Variants in CAGE1 observed in about 807,000 individuals in gnomAD.
The protein encoded by CAGE1 is cancer antigen 1, also known as cancer-associated gene 1 protein.
CAGE1 carries 66 observed loss-of-function variants against 94.9 expected under a neutral mutation model. The observed-to-expected ratio is 0.70, with a 90% CI of 0.57 to 0.85. The LOEUF (loss-of-function observed/expected upper bound fraction) is 0.85. Ranked by LOEUF, CAGE1 falls within the 40% of genes least tolerant of loss-of-function variation. The pLI is 0.00. For missense variants in CAGE1, 865 were observed against 950.4 expected (o/e 0.91, Z 1.18); for synonymous variants, 319 against 321.0 (o/e 0.99, Z 0.07).
intron 9 of CAGE1, among the ~76,000 whole-genome samples, chr6:7,363,416 T>C (rs888406763): frequency 1.3e-5 from 2 of 152,244 alleles, no homozygotes; most frequent in African/African-American, 4.8e-5. Context: ...CACAAATGTC[T>C]TTTTATAGTG....
Position 7,377,903 on chromosome 6 carries a change from T to C in CAGE1, c.687+714A>G, listed in dbSNP as rs562381210. 2.7e-4 allele frequency among the ~76,000 whole-genome samples: 41 copies of C among 152,358 alleles called. No homozygotes were observed. In the South Asian group the frequency reaches 8.5e-3, roughly 32 times the overall value. On this transcript the variant is annotated intron_variant, in intron 4 of 13. Transcript: ENST00000502583. ...CAGTGCTCTTAGGATACTACATGTG[T>C]GCTCGGAATCAATAAACCAAATGAT...
intron 11 of CAGE1, among the ~76,000 whole-genome samples, chr6:7,340,128 A>T (rs1161556601): frequency 6.6e-6 from 1 of 152,216 alleles, no homozygotes; most frequent in Non-Finnish European, 1.5e-5. Flanking sequence ...GGAGTAAGGT[A>T]GTATCACATT....
In CAGE1 at chr6:7,369,921, G is replaced by T; in HGVS notation, c.1891C>A (p.Gln631Lys). The change falls in exon 6 of 14, where the codon CAG (glutamine) becomes AAG (lysine). Residue 631 changes from glutamine (Q) to lysine (K), a missense_variant and splice_region_variant. Coordinates refer to ENST00000502583, the MANE Select transcript of CAGE1 (RefSeq NM_001170692.2). ...ATCTAATATATATGTTTTATTACCT[G>T]GCATGTGAGAAGTCCCACCATCAGA... ...LALMVGLLTC[Q>K]DIINSDAEHF... 6.2e-7 allele frequency: 1 copy of T among 1,608,014 alleles called. No individual in the cohort carries two copies. The highest frequency in any genetic ancestry group is 1.1e-5 in the South Asian group (1 of 89,850).
intron 11 of CAGE1, among the ~76,000 whole-genome samples, chr6:7,350,210 A>G (rs929148605): frequency 1.5e-4 from 23 of 152,144 alleles, no homozygotes; most frequent in African/African-American, 5.1e-4. Context: ...AAATATCACA[A>G]TCCTAAACAT....
chr6:7,380,665 C>A (rs1760902702), intron 3 of CAGE1, among the ~76,000 whole-genome samples: 1 of 151,712 alleles, frequency 6.6e-6, no homozygotes, highest in Non-Finnish European at 1.5e-5. Context: ...TTATTTCACA[C>A]AAAATTTTGC....
intron 11 of CAGE1, among the ~76,000 whole-genome samples, chr6:7,346,092 TGA>T (rs1759519292): frequency 6.6e-6 from 1 of 152,114 alleles, no homozygotes; most frequent in South Asian, 2.1e-4. Flanking sequence ...ACCTATAAAG[TGA>T]GAGCAAGTTT....
chr6:7,341,783 A>G (rs938440631), intron 11 of CAGE1: 25 of 685,332 alleles, frequency 3.6e-5, no homozygotes, highest in Non-Finnish European at 6.7e-5. Flanking sequence ...AAGACAGAGC[A>G]GCAGCCATTT....
intron 13 of CAGE1, among the ~76,000 whole-genome samples, chr6:7,327,931 A>AT (rs1436682860): frequency 5.4e-5 from 8 of 147,310 alleles, no homozygotes; most frequent in African/African-American, 1.8e-4. Context: ...ACTCCGTCTA[A>AT]AAAATAAATA....
intron 11 of CAGE1, among the ~76,000 whole-genome samples, chr6:7,340,069 T>C (rs1228872854): frequency 2.0e-5 from 3 of 152,220 alleles, no homozygotes; most frequent in African/African-American, 7.2e-5. Flanking sequence ...TACCGCATCC[T>C]TGACAACATC....
chr6:7,365,556 T>A lies in CAGE1; in HGVS notation c.2105A>T (p.Asp702Val). 6.2e-7 allele frequency: 1 copy of A among 1,610,938 alleles called. No individual in the cohort carries two copies. The highest frequency in any genetic ancestry group is 8.5e-7 in the Non-Finnish European group (1 of 1,177,540). Residue 702 changes from aspartate (D) to valine (V), a missense_variant, in exon 9 of 14, where the codon GAT (aspartate) becomes GTT (valine). Physicochemically the swap from Asp to Val is radical, Grantham distance 152. Coordinates refer to ENST00000502583, the MANE Select transcript of CAGE1 (RefSeq NM_001170692.2). ...TACATCTCTGATACTCTTGGCTTCA[T>A]CTGAATCACAGTCTATGACCTGAGA... The part of the protein sequence containing the change: ...HAIKVIDCDS[D>V]EAKSIRDVPT...
intron 9 of CAGE1, among the ~76,000 whole-genome samples, chr6:7,358,035 T>TAC (rs1760028846): frequency 4.7e-5 from 2 of 42,928 alleles, no homozygotes; most frequent in Admixed American, 3.9e-4. Flanking sequence ...GAGATATATA[T>TAC]ATATATATAT....
intron 7 of CAGE1, among the ~76,000 whole-genome samples, chr6:7,368,252 C>CAAAAA (rs57530544): frequency 4.4e-4 from 37 of 84,406 alleles, no homozygotes; most frequent in South Asian, 2.0e-3. Context: ...GACTCTGTCT[C>CAAAAA]AAAAAAAAAA....
intron 11 of CAGE1, among the ~76,000 whole-genome samples, chr6:7,345,267 T>G (rs920723588): frequency 6.6e-6 from 1 of 152,134 alleles, no homozygotes; most frequent in Admixed American, 6.5e-5. Context: ...CACGCTACCT[T>G]AAGAGTTGCA....
intron 11 of CAGE1, among the ~76,000 whole-genome samples, chr6:7,345,461 G>A (rs1294335234): frequency 6.6e-6 from 1 of 152,194 alleles, no homozygotes; most frequent in Admixed American, 6.5e-5. Flanking sequence ...AGACCAAGTA[G>A]CCCAAGTCCA....
chr6:7,355,830 T>C (rs1759933366), intron 10 of CAGE1, among the ~76,000 whole-genome samples, 195 bp downstream of exon 10: 1 of 152,068 alleles, frequency 6.6e-6, no homozygotes, highest in South Asian at 2.1e-4. Context: ...AGCGAGACCA[T>C]GTCTCTACAA....
intron 3 of CAGE1, among the ~76,000 whole-genome samples, chr6:7,384,228 C>A (rs1761036117): frequency 1.3e-5 from 2 of 152,138 alleles, no homozygotes; most frequent in African/African-American, 2.4e-5. Context: ...CAGGCGCCCA[C>A]CATCATGCCC....
At chr6:7,385,949 A>G in intron 2 of CAGE1, 77 bp from the exon 3 acceptor site, 4 of 718,584 alleles carry the variant, frequency 5.6e-6, no homozygotes, top group Non-Finnish European at 8.8e-6. Flanking sequence ...ACATTGTTAC[A>G]TAATTCTGCT....
At chr6:7,363,212 G>A (rs1227596224) in intron 9 of CAGE1, among the ~76,000 whole-genome samples, 2 of 152,234 alleles carry the variant, frequency 1.3e-5, no homozygotes, top group Non-Finnish European at 2.9e-5. Flanking sequence ...GGAGGTTGCA[G>A]TGAGCCAAGA....
At chr6:7,327,874 G>T (rs192849579) in intron 13 of CAGE1, among the ~76,000 whole-genome samples, 11 of 152,218 alleles carry the variant, frequency 7.2e-5, no homozygotes, top group African/African-American at 2.6e-4. Flanking sequence ...AGGTTGCAGT[G>T]AGCCGAGATT....
Sources: gnomAD v4.1 joint callset for allele counts (sites outside exome capture counted in the v4.1 genomes callset) on GRCh38, gnomAD v4.1.1 for gene constraint, MANE v1.5 for transcripts, NCBI Gene and HGNC (gene_info 2026-07-23, HGNC 2026-07-21) for gene names.